The following OPTN variants were observed in gnomAD, a reference collection of about 807,000 sequenced individuals.
OPTN encodes optineurin.
Under a neutral mutation model 70.4 loss-of-function variants are expected in OPTN, and 54 were observed. The ratio of observed to expected loss-of-function variants is 0.77; its 90% confidence interval spans 0.62 to 0.96. The LOEUF is 0.96. Among genes scored for constraint, OPTN ranks in the 40% least tolerant of loss-of-function variants. OPTN has a pLI of 0.00. For synonymous variants in OPTN, 256 were observed against 248.5 expected (o/e 1.03, Z -0.28); for missense variants, 624 against 673.2 (o/e 0.93, Z 0.81).
chr10:13,119,033 A>C lies in OPTN; in HGVS notation c.772A>C (p.Lys258Gln). 2 of 1,614,094 alleles carry C rather than the reference A, an allele frequency of 1.2e-6. No homozygotes were observed. Among genetic ancestry groups the C allele is most frequent in the East Asian group, 4.5e-5 (2 of 44,884 alleles). The part of the protein sequence containing the change: ...ERLEVALKEA[K>Q]ERVSDFEKKT... ...ACTTGAAGTTGCACTCAAGGAGGCCAAAGAAAGGTATGAAATAGGTTAACT... is the reference window on the plus strand; with the variant it reads ...ACTTGAAGTTGCACTCAAGGAGGCCCAAGAAAGGTATGAAATAGGTTAACT... The change falls in exon 7 of 15, where the codon AAA becomes CAA. Residue 258 changes from lysine to glutamine, a missense_variant. Physicochemically the swap from Lys to Gln is moderately conservative, Grantham distance 53. Transcript: ENST00000378747.
chr10:13,128,552 AT>A (rs1296385130), intron 12 of OPTN, among the ~76,000 whole-genome samples: 2 of 29,352 alleles, frequency 6.8e-5, no homozygotes, highest in Non-Finnish European at 6.7e-5. Context: ...TTTGCCTGGC[AT>A]TTTTTTTGAG....
intron 14 of OPTN, among the ~76,000 whole-genome samples, chr10:13,135,482 A>T (rs1032399631): frequency 6.6e-6 from 1 of 151,420 alleles, no homozygotes; most frequent in Non-Finnish European, 1.5e-5. Context: ...CTGCACCAAG[A>T]TCTAAACTAG....
Position 13,112,438 on chromosome 10 carries a change from C to A in OPTN, c.370-15C>A. 1 of 1,613,380 alleles carries A rather than the reference C, an allele frequency of 6.2e-7. No homozygotes were observed. Among genetic ancestry groups the A allele is most frequent in the South Asian group, 1.1e-5 (1 of 91,046 alleles). ...GTTTGATCTGTTCATTCACTTTACT[C>A]CTTGTCATCTCCAGGACCCCACTGA... On this transcript the variant is annotated splice_polypyrimidine_tract_variant and intron_variant, in intron 4 of 14. Coordinates refer to ENST00000378747, the MANE Select transcript of OPTN (RefSeq NM_001008212.2).
rs1015367767 is a variant in OPTN, at chr10:13,112,646, G to C, written c.552+11G>C. On this transcript the variant is annotated intron_variant, in intron 5 of 14. Coordinates refer to ENST00000378747, the MANE Select transcript of OPTN (RefSeq NM_001008212.2). ...GAAATTAGGATGGCTGTGAGTTTTTGGTTTTATTTTTGTTTTGAGCAAACT... is the reference window on the plus strand; with the variant it reads ...GAAATTAGGATGGCTGTGAGTTTTTCGTTTTATTTTTGTTTTGAGCAAACT... 2 of 1,613,890 alleles carry C rather than the reference G, an allele frequency of 1.2e-6. No homozygotes were observed. The highest frequency in any genetic ancestry group is 1.7e-5 in the Admixed American group (1 of 60,008).
intron 2 of OPTN, chr10:13,108,893 C>CAT (rs1832928717): frequency 2.7e-5 from 15 of 549,210 alleles, no homozygotes; most frequent in South Asian, 2.2e-4. Flanking sequence ...CACACACACA[C>CAT]ATGCACACAT....
chr10:13,128,888 C>T (rs10752287), intron 12 of OPTN, among the ~76,000 whole-genome samples: 121,915 of 151,986 alleles, frequency 0.8, 49,063 homozygotes, highest in Middle Eastern at 0.94. Context: ...ACTGCACATA[C>T]AAGTCTTTGT....
intron 13 of OPTN, 45 bp downstream of exon 13, chr10:13,132,242 C>G (rs371175316): frequency 6.2e-7 from 1 of 1,604,588 alleles, no homozygotes; most frequent in East Asian, 2.2e-5. Flanking sequence ...ATCAGCATGG[C>G]CGTAGAAGAG....
chr10:13,135,709 T>G (rs1294688233), intron 14 of OPTN, among the ~76,000 whole-genome samples: 1 of 152,146 alleles, frequency 6.6e-6, no homozygotes, highest in Non-Finnish European at 1.5e-5. Context: ...TCTGGGAAGG[T>G]ACACTCTGTT....
intron 11 of OPTN, among the ~76,000 whole-genome samples, chr10:13,127,354 G>A (rs1833488939): frequency 6.6e-6 from 1 of 152,286 alleles, no homozygotes; most frequent in South Asian, 2.1e-4. Context: ...ACTGCAGGAA[G>A]TAACAAGTGG....
intron 5 of OPTN, among the ~76,000 whole-genome samples, chr10:13,115,189 AT>A (rs1391822013): frequency 1.2e-5 from 1 of 82,802 alleles, no homozygotes; most frequent in Admixed American, 2.0e-4. Flanking sequence ...TTATATATAT[AT>A]TTATAGATAT....
In OPTN at chr10:13,125,932, A is replaced by G. The variant is rs1056590929; in HGVS notation, c.1149-14A>G. The G allele has an allele frequency of 2.5e-6, 4 of 1,575,674 alleles. No individual in the cohort carries two copies. The highest frequency in any genetic ancestry group is 3.5e-6 in the Non-Finnish European group (4 of 1,145,404). On this transcript the variant is annotated splice_polypyrimidine_tract_variant and intron_variant, in intron 10 of 14. Coordinates refer to ENST00000378747, the MANE Select transcript of OPTN (RefSeq NM_001008212.2). Reference sequence around the variant, plus strand: ...TTTCCCCAGGATTCCATTTTTTAATATCTTTTTTAATAGGTCCAAATTAAC... The same window carrying G: ...TTTCCCCAGGATTCCATTTTTTAATGTCTTTTTTAATAGGTCCAAATTAAC...
At chr10:13,112,742 A>C (rs1165281301) in intron 5 of OPTN, 107 bp downstream of exon 5, 6 of 1,107,316 alleles carry the variant, frequency 5.4e-6, no homozygotes, top group Non-Finnish European at 6.8e-6. Context: ...GATTGAGGAA[A>C]TTCCAGTGTA....
intron 9 of OPTN, 71 bp from the exon 10 acceptor site, chr10:13,125,347 G>T: frequency 6.6e-7 from 1 of 1,522,244 alleles, no homozygotes; most frequent in South Asian, 1.1e-5. Flanking sequence ...ACATAACCTT[G>T]GGGTTTGTTT....
chr10:13,136,735 T>C lies in OPTN; in HGVS notation c.1613-10T>C. The stretch of plus-strand genomic sequence containing the variant: ...AATGGAACTAATGGAATTATCATAC[T>C]TATTCCCAGGAGCTGAGGACAGGGA... On this transcript the variant is annotated splice_polypyrimidine_tract_variant and intron_variant, in intron 14 of 14. Transcript: ENST00000378747. 6.2e-7 allele frequency: 1 copy of C among 1,613,950 alleles called. No individual in the cohort carries two copies. The highest frequency in any genetic ancestry group is 1.1e-5 in the South Asian group (1 of 91,066).
At chr10:13,104,190 G>A (rs1405493419) in intron 1 of OPTN, among the ~76,000 whole-genome samples, 1 of 150,598 alleles carries the variant, frequency 6.6e-6, no homozygotes, top group East Asian at 2.0e-4. Flanking sequence ...GATGTCCTAA[G>A]ATAACCTAAG....
chr10:13,128,133 C>T (rs1029701309), intron 12 of OPTN, among the ~76,000 whole-genome samples: 7 of 152,184 alleles, frequency 4.6e-5, no homozygotes, highest in African/African-American at 1.7e-4. Flanking sequence ...TTATGATTAA[C>T]GTTGCTAAGA....
chr10:13,108,855 C>A, intron 2 of OPTN: 1 of 447,354 alleles, frequency 2.2e-6, no homozygotes. Flanking sequence ...CCTCATTGTA[C>A]CCTTTTATAC....
At chr10:13,118,248 G>A (rs953267431) in intron 6 of OPTN, among the ~76,000 whole-genome samples, 1 of 152,224 alleles carries the variant, frequency 6.6e-6, no homozygotes, top group Non-Finnish European at 1.5e-5. Context: ...GTGACTGAAA[G>A]AGTAGCTGCC....
chr10:13,102,522 G>T (rs1832772457), intron 1 of OPTN, among the ~76,000 whole-genome samples: 1 of 152,210 alleles, frequency 6.6e-6, no homozygotes, highest in Admixed American at 6.5e-5. Flanking sequence ...CTCAGTCCTG[G>T]GGATACAGCA....
Sources: gnomAD v4.1 joint callset for allele counts (sites outside exome capture counted in the v4.1 genomes callset) on GRCh38, gnomAD v4.1.1 for gene constraint, MANE v1.5 for transcripts, NCBI Gene and HGNC (gene_info 2026-07-23, HGNC 2026-07-21) for gene names.